CCSER1: variants seen among roughly 807,000 people sequenced by gnomAD.
CCSER1 encodes coiled-coil serine rich protein 1, also known as serine-rich coiled-coil domain-containing protein 1.
In CCSER1, 41 loss-of-function variants were observed where a neutral mutation model predicts 82.0. The ratio of observed to expected loss-of-function variants is 0.50; its 90% CI spans 0.39 to 0.65. The LOEUF (loss-of-function observed/expected upper bound fraction) is 0.65, where lower values mean the gene tolerates loss of function less well. Among genes scored for constraint, CCSER1 ranks in the 30% least tolerant of loss-of-function variants. The pLI is 0.00. For synonymous variants in CCSER1, 414 were observed against 383.9 expected (o/e 1.08, Z -0.92); for missense variants, 1,119 against 1,064.2 (o/e 1.05, Z -0.72).
intron 10 of CCSER1, among the ~76,000 whole-genome samples, chr4:91,288,020 A>G (rs963375368): frequency 5.6e-5 from 4 of 71,002 alleles, no homozygotes; most frequent in African/African-American, 1.9e-4. Flanking sequence ...TTGATATATA[A>G]ACAACAGTAA....
Position 91,488,818 on chromosome 4 carries a change from T to C in CCSER1, c.2218-109754T>C, listed in dbSNP as rs776269230. Among the ~76,000 whole-genome samples the C allele has an allele frequency of 1.2e-4, 18 of 152,300 alleles. 1 individual carries two copies. In the South Asian group the frequency reaches 1.9e-3, roughly 16 times the overall value. ...TTATAGCAGTGCTAGAATGAACTAA[T>C]ATGGAGATACAACAGTGAAATAAAC... On this transcript the variant is annotated intron_variant, in intron 10 of 10. Coordinates refer to ENST00000509176, the MANE Select transcript of CCSER1 (RefSeq NM_001145065.2).
At chr4:90,844,615 A>T (rs187797514) in intron 8 of CCSER1, among the ~76,000 whole-genome samples, 9 of 152,008 alleles carry the variant, frequency 5.9e-5, no homozygotes, top group African/African-American at 2.2e-4. Context: ...ACCTTCCTCA[A>T]CTTCACTACT....
At chr4:90,908,093 G>T (rs778592121) in intron 8 of CCSER1, among the ~76,000 whole-genome samples, 6 of 151,996 alleles carry the variant, frequency 3.9e-5, no homozygotes, top group Non-Finnish European at 7.4e-5. Context: ...CCTGCTCTAA[G>T]GAACTTAAAT....
chr4:90,299,266 T>C (rs1732632213), intron 1 of CCSER1, among the ~76,000 whole-genome samples: 1 of 152,076 alleles, frequency 6.6e-6, no homozygotes, highest in Non-Finnish European at 1.5e-5. Context: ...TTTATACAAA[T>C]CTAATCAGAG....
Position 91,459,683 on chromosome 4 carries a change from C to G in CCSER1, c.2218-138889C>G, listed in dbSNP as rs547832359. On this transcript the variant is annotated intron_variant, in intron 10 of 10. Coordinates refer to ENST00000509176, the MANE Select transcript of CCSER1 (RefSeq NM_001145065.2). ...ACTTCTGCTACCTCTGTCTTTAAGA[C>G]CAGTGTACAATTTCTAATTTCACTA... Among the ~76,000 whole-genome samples, 3 of 152,172 alleles carry G rather than the reference C, an allele frequency of 2.0e-5. No individual in the cohort carries two copies. In the South Asian group the frequency reaches 6.2e-4, roughly 32 times the overall value.
At chr4:90,964,396 A>T (rs756382850) in intron 9 of CCSER1, among the ~76,000 whole-genome samples, 2 of 152,140 alleles carry the variant, frequency 1.3e-5, no homozygotes, top group Non-Finnish European at 2.9e-5. Context: ...CTAGAATAAC[A>T]CAGTAAAGGC....
At chr4:90,269,175 A>G (rs927922271) in intron 1 of CCSER1, among the ~76,000 whole-genome samples, 15 of 152,222 alleles carry the variant, frequency 9.9e-5, no homozygotes, top group African/African-American at 3.6e-4. Flanking sequence ...CTGTATTTAG[A>G]TTGAATAGAC....
In CCSER1 at chr4:91,314,743, C is replaced by T. The variant is rs538751994; in HGVS notation, c.2217+228749C>T. Reference sequence around the variant, plus strand: ...ATAATTGACATTTCTGGGTTGTTATCTTTTTTAAATCTCCATCATACCAAA... The same window carrying T: ...ATAATTGACATTTCTGGGTTGTTATTTTTTTTAAATCTCCATCATACCAAA... On this transcript the variant is annotated intron_variant, in intron 10 of 10. Coordinates refer to ENST00000509176, the MANE Select transcript of CCSER1 (RefSeq NM_001145065.2). 1.4e-3 allele frequency among the ~76,000 whole-genome samples: 213 copies of T among 152,072 alleles called. 1 individual carries two copies. Among genetic ancestry groups the T allele is most frequent in the Middle Eastern group, 6.8e-3 (2 of 292 alleles).
intron 6 of CCSER1, among the ~76,000 whole-genome samples, chr4:90,722,701 G>C (rs1366689018): frequency 6.6e-6 from 1 of 151,690 alleles, no homozygotes; most frequent in African/African-American, 2.4e-5. Context: ...AAATAGGTGT[G>C]GTATGTGTTA....
At chr4:90,166,274 G>A (rs550283743) in intron 1 of CCSER1, among the ~76,000 whole-genome samples, 1 of 152,028 alleles carries the variant, frequency 6.6e-6, no homozygotes, top group South Asian at 2.1e-4. Flanking sequence ...TAGGTTAAAG[G>A]TTGTATATAT....
intron 9 of CCSER1, among the ~76,000 whole-genome samples, chr4:91,068,064 T>G (rs1178070504): frequency 6.6e-6 from 1 of 152,230 alleles, no homozygotes; most frequent in African/African-American, 2.4e-5. Context: ...AATGAAAATC[T>G]AATGAGAGCC....
chr4:90,719,211 C>G (rs1230843942), intron 6 of CCSER1, among the ~76,000 whole-genome samples: 1 of 151,966 alleles, frequency 6.6e-6, no homozygotes, highest in East Asian at 1.9e-4. Flanking sequence ...CATTAGAGAC[C>G]CTTAGGAGCG....
At chr4:91,458,927 C>T (rs1357325760) in intron 10 of CCSER1, among the ~76,000 whole-genome samples, 4 of 152,102 alleles carry the variant, frequency 2.6e-5, no homozygotes, top group East Asian at 3.9e-4. Flanking sequence ...ACCTCCTCTC[C>T]CTATTTTTGA....
intron 4 of CCSER1, among the ~76,000 whole-genome samples, chr4:90,439,916 T>C (rs1560520241): frequency 6.6e-6 from 1 of 152,194 alleles, no homozygotes; most frequent in Non-Finnish European, 1.5e-5. Context: ...AAAACAATTA[T>C]TTTTCTTTTC....
chr4:90,886,154 G>A (rs2150092835), intron 8 of CCSER1, among the ~76,000 whole-genome samples: 1 of 152,228 alleles, frequency 6.6e-6, no homozygotes, highest in South Asian at 2.1e-4. Context: ...CTGAGGTTAG[G>A]CATGCCTCTC....
At position 91,594,305 on chromosome 4, in the gene CCSER1, G is replaced by A. The variant is rs554227659; in HGVS notation, c.2218-4267G>A. ...TATATATGTGTGTATATATGTATAT[G>A]TATATGTGTATATATACATATATGT... On this transcript the variant is annotated intron_variant, in intron 10 of 10. Transcript: ENST00000509176. Among the ~76,000 whole-genome samples, 30 of 148,384 alleles carry A rather than the reference G, an allele frequency of 2.0e-4. 2 individuals carry two copies. In the East Asian group the frequency reaches 5.7e-3, roughly 28 times the overall value.
At chr4:90,975,104 C>T (rs1277218676) in intron 9 of CCSER1, among the ~76,000 whole-genome samples, 2 of 151,248 alleles carry the variant, frequency 1.3e-5, no homozygotes, top group African/African-American at 4.8e-5. Context: ...GTAAAAGAAG[C>T]TCATCACAAA....
intron 10 of CCSER1, among the ~76,000 whole-genome samples, chr4:91,438,054 G>A (rs1230102572): frequency 2.0e-5 from 3 of 152,136 alleles, no homozygotes; most frequent in African/African-American, 7.2e-5. Context: ...TGGGGGCAGG[G>A]CACAGACAAA....
chr4:90,211,104 C>T (rs947967411), intron 1 of CCSER1, among the ~76,000 whole-genome samples: 32 of 152,120 alleles, frequency 2.1e-4, no homozygotes, highest in African/African-American at 7.7e-4. Context: ...TGATAGGGAA[C>T]TTAGTAACTT....
Sources: allele counts gnomAD v4.1 joint callset (sites outside exome capture counted in the v4.1 genomes callset), GRCh38; gene constraint gnomAD v4.1.1; transcripts MANE v1.5; gene names NCBI Gene and HGNC (gene_info 2026-07-23, HGNC 2026-07-21).